The following ZNF248 variants were observed in gnomAD, a reference collection of about 807,000 sequenced individuals.
ZNF248 encodes zinc finger protein 248.
ZNF248 carries 20 observed loss-of-function variants against 44.3 expected under a neutral mutation model. That is an observed-to-expected ratio of 0.45 (90% CI 0.32 to 0.66). The LOEUF (loss-of-function observed/expected upper bound fraction) is 0.66. Ranked by LOEUF, ZNF248 falls within the 30% of genes least tolerant of loss-of-function variation. The probability of loss-of-function intolerance (pLI) is 0.04; values close to 1 mark genes in which losing one functional copy is unlikely to be tolerated. For synonymous variants in ZNF248, 224 were observed against 229.0 expected (o/e 0.98, Z 0.20); for missense variants, 654 against 677.0 (o/e 0.97, Z 0.38).
At chr10:37,806,571 A>T (rs1347544698) in intron 6 of ZNF248, among the ~76,000 whole-genome samples, 1 of 151,508 alleles carries the variant, frequency 6.6e-6, no homozygotes, top group African/African-American at 2.4e-5. Flanking sequence ...TCCTTGGCCC[A>T]TTTTTTAATC....
At chr10:37,843,933 T>G (rs1248805925) in intron 3 of ZNF248, among the ~76,000 whole-genome samples, 1 of 151,970 alleles carries the variant, frequency 6.6e-6, no homozygotes, top group Non-Finnish European at 1.5e-5. Context: ...CACCTTTGAG[T>G]GGACTATCTA....
At chr10:37,839,484 A>G (rs1415511564) in intron 3 of ZNF248, among the ~76,000 whole-genome samples, 1 of 150,396 alleles carries the variant, frequency 6.6e-6, no homozygotes, top group Non-Finnish European at 1.5e-5. Context: ...GTCTCAAGAC[A>G]CCTCTTATAC....
chr10:37,838,214 T>C, intron 3 of ZNF248, 103 bp from the exon 4 acceptor site: 2 of 1,070,004 alleles, frequency 1.9e-6, no homozygotes, highest in South Asian at 1.7e-5. Flanking sequence ...AATGACAGGT[T>C]ACCTCCCTCT....
intron 6 of ZNF248, among the ~76,000 whole-genome samples, chr10:37,805,626 T>A (rs2050443385): frequency 6.6e-6 from 1 of 152,200 alleles, no homozygotes; most frequent in Non-Finnish European, 1.5e-5. Flanking sequence ...TCAAATAAAC[T>A]CTCCAAAATT....
chr10:37,848,582 G>A (rs1148290), intron 3 of ZNF248, among the ~76,000 whole-genome samples: 9,021 of 124,146 alleles, frequency 0.073, 346 homozygotes, highest in Middle Eastern at 0.11. Context: ...GACAGACTCC[G>A]TCTCAAAAAA....
chr10:37,847,412 C>T (rs934947971), intron 3 of ZNF248, among the ~76,000 whole-genome samples: 1 of 152,062 alleles, frequency 6.6e-6, no homozygotes, highest in Non-Finnish European at 1.5e-5. Flanking sequence ...TAAAGTACAA[C>T]GGATTTAGGT....
intron 1 of ZNF248, 143 bp from the exon 2 acceptor site, chr10:37,856,675 T>TTA (rs1315152016): frequency 3.0e-6 from 3 of 1,009,912 alleles, no homozygotes; most frequent in Admixed American, 5.7e-5. Context: ...TGTTTACCTG[T>TTA]TAACACCATT....
At chr10:37,850,073 A>G (rs1034209903) in intron 3 of ZNF248, among the ~76,000 whole-genome samples, 1 of 149,280 alleles carries the variant, frequency 6.7e-6, no homozygotes, top group Non-Finnish European at 1.5e-5. Context: ...ACTCTGTCTT[A>G]AAAAAAAAAT....
chr10:37,843,650 T>A (rs1024192291), intron 3 of ZNF248, among the ~76,000 whole-genome samples: 1 of 152,062 alleles, frequency 6.6e-6, no homozygotes, highest in African/African-American at 2.4e-5. Flanking sequence ...ATAAATTAAG[T>A]GTCATCAAAA....
At chr10:37,764,852 C>T in the ZNF248 span, among the ~76,000 whole-genome samples, 1 of 152,100 alleles carries the variant, frequency 6.6e-6, no homozygotes, top group African/African-American at 2.4e-5. Flanking sequence ...AGTAAAAATA[C>T]CCAGTTAATT....
chr10:37,790,864 G>C (rs1391287388), intron 6 of ZNF248, among the ~76,000 whole-genome samples: 1 of 149,490 alleles, frequency 6.7e-6, no homozygotes, highest in Non-Finnish European at 1.5e-5. Context: ...AGGCTGCAGT[G>C]AGCCATGATT....
At chr10:37,806,834 A>C (rs1404206431) in intron 6 of ZNF248, among the ~76,000 whole-genome samples, 2 of 152,126 alleles carry the variant, frequency 1.3e-5, no homozygotes, top group African/African-American at 4.8e-5. Context: ...CAATGTCATT[A>C]AGCTTTCCCC....
chr10:37,855,436 T>C (rs1332474867), intron 3 of ZNF248, among the ~76,000 whole-genome samples: 1 of 144,556 alleles, frequency 6.9e-6, no homozygotes, highest in Non-Finnish European at 1.5e-5. Context: ...AAAAGCACTT[T>C]ATTAAGGAAA....
the ZNF248 span, among the ~76,000 whole-genome samples, chr10:37,771,079 C>G: frequency 6.6e-6 from 1 of 152,208 alleles, no homozygotes; most frequent in Non-Finnish European, 1.5e-5. Flanking sequence ...GAGATACCAT[C>G]TCACACCAGT....
At chr10:37,788,983 C>T (rs2048205004) in intron 6 of ZNF248, among the ~76,000 whole-genome samples, 1 of 151,966 alleles carries the variant, frequency 6.6e-6, no homozygotes, top group Non-Finnish European at 1.5e-5. Context: ...GCGATTCTCC[C>T]ACCTCAGCCT....
At chr10:37,778,307 T>C (rs1237876732) in intron 6 of ZNF248, among the ~76,000 whole-genome samples, 1 of 152,214 alleles carries the variant, frequency 6.6e-6, no homozygotes, top group Non-Finnish European at 1.5e-5. Context: ...CATTTTTTCA[T>C]GTGTTTTTTG....
intron 6 of ZNF248, among the ~76,000 whole-genome samples, chr10:37,791,335 C>T (rs994305621): frequency 6.6e-6 from 1 of 152,048 alleles, no homozygotes; most frequent in African/African-American, 2.4e-5. Flanking sequence ...AGCCACCGTG[C>T]CCGGCCTTTG....
At chr10:37,791,906 T>C (rs1252958253) in intron 6 of ZNF248, 2 of 152,176 alleles carry the variant, frequency 1.3e-5, no homozygotes, top group Non-Finnish European at 2.9e-5. Context: ...AAGATCACCA[T>C]AGTGTCAGCT....
the ZNF248 span, among the ~76,000 whole-genome samples, chr10:37,761,821 C>G: frequency 6.6e-6 from 1 of 152,170 alleles, no homozygotes; most frequent in Non-Finnish European, 1.5e-5. Context: ...AAAATCCCAA[C>G]TAAACCAGTA....
Sources: gnomAD v4.1 joint callset for allele counts (sites outside exome capture counted in the v4.1 genomes callset) on GRCh38, gnomAD v4.1.1 for gene constraint, MANE v1.5 for transcripts, NCBI Gene and HGNC (gene_info 2026-07-23, HGNC 2026-07-21) for gene names.